CALN1: variants seen among roughly 807,000 people sequenced by gnomAD.
CALN1 encodes the protein calneuron 1, also known as calcium-binding protein 8.
A neutral mutation model predicts 30.6 loss-of-function variants in CALN1; 17 were observed. The ratio of observed to expected loss-of-function variants is 0.56; its 90% CI spans 0.38 to 0.83. The LOEUF (loss-of-function observed/expected upper bound fraction) is 0.83. CALN1 is among the 40% of genes least tolerant of loss of function. The probability of loss-of-function intolerance (pLI) is 0.00; values close to 1 mark genes in which losing one functional copy is unlikely to be tolerated. For missense variants in CALN1, 291 were observed against 354.9 expected (o/e 0.82, Z 1.45); for synonymous variants, 156 against 131.4 (o/e 1.19, Z -1.28).
At chr7:72,028,082 A>C (rs1056064299) in intron 4 of CALN1, among the ~76,000 whole-genome samples, 9 of 142,262 alleles carry the variant, frequency 6.3e-5, no homozygotes, top group Non-Finnish European at 9.0e-5. Flanking sequence ...AAAAAAAAAA[A>C]AAACACATGA....
At chr7:71,913,290 T>A (rs1794519954) in intron 5 of CALN1, among the ~76,000 whole-genome samples, 1 of 152,132 alleles carries the variant, frequency 6.6e-6, no homozygotes, top group Non-Finnish European at 1.5e-5. Context: ...TTAGGTGAGT[T>A]CTCTGCACTT....
chr7:72,399,269 GC>G (rs1338342328), intron 2 of CALN1, among the ~76,000 whole-genome samples: 2 of 84,878 alleles, frequency 2.4e-5, no homozygotes, highest in Admixed American at 1.2e-4. Context: ...CTAACCTATT[GC>G]TTTTTTTTTT....
At chr7:71,992,182 G>A (rs906457964) in intron 5 of CALN1, among the ~76,000 whole-genome samples, 15 of 152,160 alleles carry the variant, frequency 9.9e-5, no homozygotes, top group Non-Finnish European at 2.1e-4. Flanking sequence ...AAGATGGAAT[G>A]TTAAATACAC....
intron 5 of CALN1, among the ~76,000 whole-genome samples, chr7:71,887,366 G>A (rs1265546811): frequency 6.6e-6 from 1 of 152,148 alleles, no homozygotes; most frequent in African/African-American, 2.4e-5. Context: ...TACAATCTCG[G>A]CTTACCGCAA....
At chr7:72,376,691 C>T (rs1347564086) in intron 2 of CALN1, among the ~76,000 whole-genome samples, 2 of 152,134 alleles carry the variant, frequency 1.3e-5, no homozygotes, top group Non-Finnish European at 1.5e-5. Flanking sequence ...TCATTTGATT[C>T]ACATACGTTT....
Position 72,412,173 on chromosome 7 carries a change from C to G in CALN1, c.-189G>C, listed in dbSNP as rs1270830912. On this transcript the variant is annotated 5_prime_UTR_variant, in exon 1 of 7. Transcript: ENST00000395275. ...TTAAAGATGGCGCGTCCGGAGTCGT[C>G]TGCTCCTCCCGGTGGGCTTGCGGTC... The G allele has an allele frequency of 6.5e-6, 1 of 152,806 alleles. No homozygotes were observed. The highest frequency in any genetic ancestry group is 2.4e-5 in the African/African-American group (1 of 41,448). The allele number at this position is 152,806 out of a possible 1,614,324, so 9.5% of individuals were successfully genotyped here. A position where few individuals can be genotyped will look rare whatever the true frequency, so the allele number is the denominator to read the frequency against.
At chr7:71,914,367 T>C (rs113110517) in intron 5 of CALN1, among the ~76,000 whole-genome samples, 3,884 of 152,320 alleles carry the variant, frequency 0.025, 147 homozygotes, top group African/African-American at 0.087. Context: ...ATCCTTGTCC[T>C]TGCGAAGGAC....
chr7:72,417,403 C>G (rs570454308), intron 1 of CALN1, among the ~76,000 whole-genome samples: 3 of 152,258 alleles, frequency 2.0e-5, no homozygotes, highest in Non-Finnish European at 4.4e-5. Context: ...TTTGCCTGAG[C>G]CAGGGTGGGA....
At chr7:71,983,054 T>G (rs973990011) in intron 5 of CALN1, among the ~76,000 whole-genome samples, 51 of 152,290 alleles carry the variant, frequency 3.3e-4, no homozygotes, top group African/African-American at 1.2e-3. Context: ...ACATCACACC[T>G]GGTCCAACCA....
At chr7:72,334,522 A>ACCC (rs199877727) in intron 2 of CALN1, among the ~76,000 whole-genome samples, 56 of 151,558 alleles carry the variant, frequency 3.7e-4, no homozygotes, top group African/African-American at 1.3e-3. Context: ...CTCAACCTGT[A>ACCC]CCCCCCCTCC....
intron 6 of CALN1, among the ~76,000 whole-genome samples, chr7:71,798,123 CAGAGAGAGAGAGAGAGAGAGAGAGAG>C (rs3973907): frequency 1.4e-4 from 10 of 71,014 alleles, no homozygotes; most frequent in African/African-American, 5.2e-4. Flanking sequence ...GAGACAGAGA[CAGAGAGAGAGAGAGAGAGAGAGAGAG>C]AGAGAGAGAG....
intron 4 of CALN1, among the ~76,000 whole-genome samples, chr7:72,105,034 GA>G (rs112842604): frequency 0.024 from 3,477 of 143,794 alleles, 113 homozygotes; most frequent in African/African-American, 0.078. Flanking sequence ...GACCTGTCAT[GA>G]AAAAAAAAAA....
In CALN1 at chr7:72,106,360, G is replaced by A. The variant is rs1047994006; in HGVS notation, c.245-66C>T. 48 of 1,593,660 alleles carry A rather than the reference G, an allele frequency of 3.0e-5. 1 individual carries two copies. The African/African-American group carries it at 5.9e-4, about 20-fold the overall frequency. The stretch of plus-strand genomic sequence containing the variant: ...TGGCTTTATTGCACTGCAGTTATTG[G>A]TGATTGCCTACTGAGAACTCCTAAC... On this transcript the variant is annotated intron_variant, in intron 3 of 6. Coordinates refer to ENST00000395275, the MANE Select transcript of CALN1 (RefSeq NM_031468.4).
chr7:72,072,133 A>G (rs1178289220), intron 4 of CALN1, among the ~76,000 whole-genome samples: 3 of 152,190 alleles, frequency 2.0e-5, no homozygotes, highest in Admixed American at 6.5e-5. Context: ...AACTCCCCCA[A>G]TCTGATGAAA....
At chr7:72,232,303 G>C (rs1172612058) in intron 3 of CALN1, among the ~76,000 whole-genome samples, 5 of 152,092 alleles carry the variant, frequency 3.3e-5, no homozygotes. Flanking sequence ...TCCAGGTCCG[G>C]GAAGAAGACA....
chr7:72,197,706 A>T (rs370619370), intron 3 of CALN1, among the ~76,000 whole-genome samples: 78 of 152,190 alleles, frequency 5.1e-4, no homozygotes, highest in Middle Eastern at 3.4e-3. Flanking sequence ...AAGATGGAAA[A>T]TTAGCCAGGC....
chr7:72,335,207 G>A (rs754979454), intron 2 of CALN1, among the ~76,000 whole-genome samples: 1 of 152,188 alleles, frequency 6.6e-6, no homozygotes, highest in African/African-American at 2.4e-5. Flanking sequence ...CCAAGAAGGA[G>A]AGCTGGAATG....
chr7:72,439,639 G>A (rs978489312), intron 1 of CALN1, among the ~76,000 whole-genome samples: 3 of 149,688 alleles, frequency 2.0e-5, no homozygotes, highest in Non-Finnish European at 4.4e-5. Context: ...GTGCAATGGC[G>A]CAATCTCGGC....
At chr7:72,359,850 G>A (rs964013740) in intron 2 of CALN1, among the ~76,000 whole-genome samples, 4 of 151,606 alleles carry the variant, frequency 2.6e-5, no homozygotes, top group Admixed American at 1.3e-4. Context: ...GGTGGCGGGC[G>A]CCTGTAGTCC....
Sources: gnomAD v4.1 joint callset for allele counts (sites outside exome capture counted in the v4.1 genomes callset) on GRCh38, gnomAD v4.1.1 for gene constraint, MANE v1.5 for transcripts, NCBI Gene and HGNC (gene_info 2026-07-23, HGNC 2026-07-21) for gene names.